The following TBC1D4 variants were observed in gnomAD, a reference collection of about 807,000 sequenced individuals.
The protein encoded by TBC1D4 is TBC1 domain family member 4, also known as TBC (Tre-2, BUB2, CDC16) domain-containing protein.
TBC1D4 carries 121 observed loss-of-function variants against 142.5 expected under a neutral mutation model. The observed-to-expected ratio is 0.85, with a 90% CI of 0.73 to 0.99. The LOEUF is 0.99. Among genes scored for constraint, TBC1D4 ranks in the 50% least tolerant of loss-of-function variants. The pLI is 0.00. For synonymous variants in TBC1D4, 630 were observed against 628.2 expected (o/e 1.00, Z -0.04); for missense variants, 1,475 against 1,606.6 (o/e 0.92, Z 1.40).
intron 1 of TBC1D4, among the ~76,000 whole-genome samples, chr13:75,434,428 G>A: frequency 6.6e-6 from 1 of 152,106 alleles, no homozygotes; most frequent in East Asian, 1.9e-4. Flanking sequence ...AATACCACAT[G>A]TTCTCACTTA....
intron 1 of TBC1D4, among the ~76,000 whole-genome samples, chr13:75,444,933 G>A (rs537294133): frequency 1.3e-5 from 2 of 152,026 alleles, no homozygotes; most frequent in East Asian, 3.9e-4. Context: ...CAGTTTTCTA[G>A]GCATTTTATG....
chr13:75,428,543 T>G (rs1411921955), intron 1 of TBC1D4, among the ~76,000 whole-genome samples: 1 of 152,180 alleles, frequency 6.6e-6, no homozygotes, highest in Non-Finnish European at 1.5e-5. Flanking sequence ...TTCCTTTAGC[T>G]CTTATGAATA....
chr13:75,305,109 A>G (rs1877037823), intron 15 of TBC1D4, among the ~76,000 whole-genome samples: 1 of 152,086 alleles, frequency 6.6e-6, no homozygotes, highest in Non-Finnish European at 1.5e-5. Flanking sequence ...ATGAAATCTG[A>G]TGGCTTGTTA....
intron 1 of TBC1D4, among the ~76,000 whole-genome samples, chr13:75,398,251 G>A (rs1343823484): frequency 6.6e-6 from 1 of 152,232 alleles, no homozygotes; most frequent in African/African-American, 2.4e-5. Context: ...CACTAAGTTT[G>A]GAGGTGGTTT....
At chr13:75,386,009 G>A (rs940405964) in intron 1 of TBC1D4, among the ~76,000 whole-genome samples, 1 of 152,132 alleles carries the variant, frequency 6.6e-6, no homozygotes, top group Non-Finnish European at 1.5e-5. Context: ...CTATGAACCT[G>A]AACAATTTAT....
chr13:75,353,755 A>G (rs1244068558), intron 4 of TBC1D4, among the ~76,000 whole-genome samples: 2 of 152,162 alleles, frequency 1.3e-5, no homozygotes, highest in Admixed American at 6.5e-5. Flanking sequence ...CACTTCCAAA[A>G]TTAAAAGCAG....
rs1460688791 is a variant in TBC1D4, at chr13:75,430,902, G to A, written c.498+50368C>T. ...CCCATGCCACTCCACCCACAATCTT[G>A]CCAGTGTAACTCAGAATGTCCTTGC... On this transcript the variant is annotated intron_variant, in intron 1 of 20. Coordinates refer to ENST00000377636, the MANE Select transcript of TBC1D4 (RefSeq NM_014832.5). 2.0e-5 allele frequency among the ~76,000 whole-genome samples: 3 copies of A among 152,170 alleles called. No individual in the cohort carries two copies. In the East Asian group the frequency reaches 5.8e-4, roughly 29 times the overall value.
rs944824735 is a variant in TBC1D4 at position 75,482,072 on chromosome 13, G to T, written c.-305C>A. 1.3e-5 allele frequency: 4 copies of T among 307,866 alleles called. No individual in the cohort carries two copies. Among genetic ancestry groups the T allele is most frequent in the Non-Finnish European group, 1.8e-5 (3 of 170,130 alleles). The allele number at this position is 307,866 out of a possible 1,614,324, so 19.1% of individuals were successfully genotyped here. A position where few individuals can be genotyped will look rare whatever the true frequency, so the allele number is the denominator to read the frequency against. ...AGGACCTCCCCTTCCTCCGTCGCGG[G>T]TTTGCAGGGTCAGAGGACCACGCCG... On this transcript the variant is annotated 5_prime_UTR_variant, in exon 1 of 21. Transcript: ENST00000377636.
intron 1 of TBC1D4, among the ~76,000 whole-genome samples, chr13:75,415,125 C>CAA (rs35852438): frequency 0.52 from 66,395 of 128,578 alleles, 19,704 homozygotes; most frequent in East Asian, 0.67. Context: ...CTCCATCTCA[C>CAA]AAAAAAAAAA....
chr13:75,331,072 A>G (rs572247561), intron 8 of TBC1D4, among the ~76,000 whole-genome samples: 1 of 152,318 alleles, frequency 6.6e-6, no homozygotes, highest in African/African-American at 2.4e-5. Flanking sequence ...TTTTGTGCAC[A>G]AAGAAAAACA....
In TBC1D4 at chr13:75,317,162, G is replaced by A. The variant is rs554919569; in HGVS notation, c.2222+2852C>T. 5.9e-4 allele frequency among the ~76,000 whole-genome samples: 90 copies of A among 152,292 alleles called. No individual in the cohort carries two copies. In the South Asian group the frequency reaches 0.018, roughly 31 times the overall value. On this transcript the variant is annotated intron_variant, in intron 12 of 20. Transcript: ENST00000377636. Reference sequence around the variant, plus strand: ...GCAAACCTAGGTGGTCCAGAATCCAGCATTAGGCACTGCAGCTGATCCTGC... The same window carrying A: ...GCAAACCTAGGTGGTCCAGAATCCAACATTAGGCACTGCAGCTGATCCTGC...
At chr13:75,422,801 T>C (rs1363094040) in intron 1 of TBC1D4, among the ~76,000 whole-genome samples, 3 of 152,192 alleles carry the variant, frequency 2.0e-5, no homozygotes, top group Non-Finnish European at 4.4e-5. Context: ...TTTGGGATTA[T>C]CTTTAACTTG....
intron 1 of TBC1D4, among the ~76,000 whole-genome samples, chr13:75,429,383 G>A (rs762486497): frequency 2.6e-5 from 4 of 152,092 alleles, no homozygotes; most frequent in Non-Finnish European, 5.9e-5. Context: ...GAATAAGCCC[G>A]AAGTCTTAAT....
Position 75,481,917 on chromosome 13 carries a change from A to C in TBC1D4, c.-150T>G. On this transcript the variant is annotated 5_prime_UTR_variant, in exon 1 of 21. It removes the in-frame stop codon of an upstream open reading frame in the 5' UTR. Coordinates refer to ENST00000377636, the MANE Select transcript of TBC1D4 (RefSeq NM_014832.5). Reference sequence around the variant, plus strand: ...GGCGCGACCCCGAACTCCGCGCTTCAGCAGCCCTGCCCCATGCAGCACTTC... The same window carrying C: ...GGCGCGACCCCGAACTCCGCGCTTCCGCAGCCCTGCCCCATGCAGCACTTC... 8.3e-7 allele frequency: 1 copy of C among 1,198,404 alleles called. No homozygotes were observed. Among genetic ancestry groups the C allele is most frequent in the Non-Finnish European group, 1.1e-6 (1 of 919,658 alleles). The allele number at this position is 1,198,404 out of a possible 1,614,324, so 74.2% of individuals were successfully genotyped here.
At chr13:75,300,379 G>T (rs1876402815) in intron 16 of TBC1D4, among the ~76,000 whole-genome samples, 1 of 104,338 alleles carries the variant, frequency 9.6e-6, no homozygotes, top group South Asian at 2.7e-4. Flanking sequence ...GTCTATATTG[G>T]TATGGGCATT....
chr13:75,452,000 T>G (rs1203251155), intron 1 of TBC1D4, among the ~76,000 whole-genome samples: 2 of 152,122 alleles, frequency 1.3e-5, no homozygotes, highest in Non-Finnish European at 2.9e-5. Context: ...GTACAAGATG[T>G]AATTTTAAGT....
intron 17 of TBC1D4, among the ~76,000 whole-genome samples, chr13:75,295,322 G>C (rs1281961338): frequency 6.6e-6 from 1 of 152,138 alleles, no homozygotes; most frequent in Non-Finnish European, 1.5e-5. Context: ...GGAATTTAAT[G>C]AGAACAGTCC....
intron 1 of TBC1D4, among the ~76,000 whole-genome samples, chr13:75,416,947 G>A (rs570716057): frequency 6.6e-6 from 1 of 152,302 alleles, no homozygotes; most frequent in East Asian, 1.9e-4. Context: ...AAACTGCCCT[G>A]CAAGTATCTT....
chr13:75,434,917 G>A (rs1188544972), intron 1 of TBC1D4, among the ~76,000 whole-genome samples: 2 of 150,290 alleles, frequency 1.3e-5, no homozygotes, highest in Non-Finnish European at 3.0e-5. Flanking sequence ...GGAGGCCAAG[G>A]CAGGCAAGTC....
Sources: allele counts gnomAD v4.1 joint callset (sites outside exome capture counted in the v4.1 genomes callset), GRCh38; gene constraint gnomAD v4.1.1; transcripts MANE v1.5; gene names NCBI Gene and HGNC (gene_info 2026-07-23, HGNC 2026-07-21).